The following CASKIN1 variants were observed in gnomAD, a reference collection of about 807,000 sequenced individuals.
CASKIN1 encodes caskin-1.
Under a neutral mutation model 117.5 loss-of-function variants are expected in CASKIN1, and 42 were observed. That is an observed-to-expected ratio of 0.36 (90% CI 0.28 to 0.46). CASKIN1 has a LOEUF of 0.46. Ranked by LOEUF, CASKIN1 falls within the 20% of genes least tolerant of loss-of-function variation. CASKIN1 has a pLI of 1.00. For missense variants in CASKIN1, 2,083 were observed against 2,077.3 expected, an observed-to-expected ratio of 1.00 and a Z score of -0.05; for synonymous variants, 1,148 against 961.7, an observed-to-expected ratio of 1.19 and a Z score of -3.59.
chr16:2,184,879 G>C lies in CASKIN1; in HGVS notation c.1325-11C>G. On this transcript the variant is annotated splice_polypyrimidine_tract_variant and intron_variant, in intron 13 of 19. Transcript: ENST00000343516. Reference sequence around the variant, plus strand: ...GGGACCGGGCCACACCTGAGGACGAGAGTGGGTGGGGGACAAGGGCTGTCG... The same window carrying C: ...GGGACCGGGCCACACCTGAGGACGACAGTGGGTGGGGGACAAGGGCTGTCG... The C allele has an allele frequency of 6.3e-7, 1 of 1,575,702 alleles. No homozygotes were observed. The highest frequency in any genetic ancestry group is 8.6e-7 in the Non-Finnish European group (1 of 1,157,328).
intron 1 of CASKIN1, among the ~76,000 whole-genome samples, chr16:2,192,930 G>A (rs575690428): frequency 4.5e-4 from 68 of 152,366 alleles, no homozygotes; most frequent in Non-Finnish European, 6.8e-4. Context: ...CCTGGCCGCC[G>A]AGGCGACTTA....
chr16:2,182,060 G>T lies in CASKIN1; in HGVS notation c.1630-131C>A. On this transcript the variant is annotated intron_variant, in intron 16 of 19. Coordinates refer to ENST00000343516, the MANE Select transcript of CASKIN1 (RefSeq NM_020764.4). The surrounding 1 kb of genome is among the most constrained non-coding windows in gnomAD (Gnocchi z 4.1). ...AGACAGGAGGACAAACGGATAGGCC[G>T]AGGTATTGGCACCAGAAATGTAGGC... The T allele has an allele frequency of 1.6e-6, 2 of 1,287,852 alleles. No homozygotes were observed. The highest frequency in any genetic ancestry group is 2.2e-6 in the Non-Finnish European group (2 of 926,166). 79.8% of individuals were successfully genotyped at this position (1,287,852 alleles called of 1,614,324 possible).
At position 2,190,092 on chromosome 16, in the gene CASKIN1, C is replaced by A; in HGVS notation, c.225G>T (p.Val75=). The A allele has an allele frequency of 6.2e-7, 1 of 1,612,844 alleles. No individual in the cohort carries two copies. Among genetic ancestry groups the A allele is most frequent in the Non-Finnish European group, 8.5e-7 (1 of 1,179,918 alleles). ...TCTTGCCTTTGTTGTCCTTGATGTC[C>A]ACAGCGGCCTGGGCCTCCAGCAGCA... ...ISLLLEAQAA[V]DIKDNKGMRP... The change falls in exon 3 of 20, where the codon GTG becomes GTT. Residue 75 remains valine (V), a synonymous_variant. Transcript: ENST00000343516.
In CASKIN1 at chr16:2,177,978, G is replaced by C. The variant is rs918653161; in HGVS notation, c.*572C>G. The C allele has an allele frequency of 2.6e-6, 1 of 384,142 alleles. No individual in the cohort carries two copies. Among genetic ancestry groups the C allele is most frequent in the African/African-American group, 2.1e-5 (1 of 46,760 alleles). The allele number at this position is 384,142 out of a possible 1,614,324, so 23.8% of individuals were successfully genotyped here. ...CTCTAACAGCTTTTGTCCGGAGCTA[G>C]ACTTCGTGTCCTTTCAGTTGGTAAA... On this transcript the variant is annotated 3_prime_UTR_variant, in exon 20 of 20. Coordinates refer to ENST00000343516, the MANE Select transcript of CASKIN1 (RefSeq NM_020764.4).
Position 2,178,659 on chromosome 16 carries a change from G to A in CASKIN1, c.4200-13C>T. 6.3e-7 allele frequency: 1 copy of A among 1,582,618 alleles called. No homozygotes were observed. Among genetic ancestry groups the A allele is most frequent in the South Asian group, 1.1e-5 (1 of 88,892 alleles). ...CGCCGCCGAGTCGCTGCGGGGCGCG[G>A]GGCAAGGGGCGTGAGTGGGCGGGGC... On this transcript the variant is annotated splice_polypyrimidine_tract_variant and intron_variant, in intron 19 of 19. Coordinates refer to ENST00000343516, the MANE Select transcript of CASKIN1 (RefSeq NM_020764.4).
In CASKIN1 at chr16:2,182,497, C is replaced by G. The variant is rs1322401744; in HGVS notation, c.1630-568G>C. Among the ~76,000 whole-genome samples the G allele has an allele frequency of 1.3e-5, 2 of 152,088 alleles. No individual in the cohort carries two copies. Among genetic ancestry groups the G allele is most frequent in the Non-Finnish European group, 2.9e-5 (2 of 68,028 alleles). ...AGCGGCATTCAGGCGTCCACACTTCCAGCTGGAATTCACTCATGCAACTGC... is the reference window on the plus strand; with the variant it reads ...AGCGGCATTCAGGCGTCCACACTTCGAGCTGGAATTCACTCATGCAACTGC... On this transcript the variant is annotated intron_variant, in intron 16 of 19. Coordinates refer to ENST00000343516, the MANE Select transcript of CASKIN1 (RefSeq NM_020764.4). This position sits in a 1 kb window ranked among gnomAD's most constrained non-coding sequence, Gnocchi z 4.1.
chr16:2,181,004 G>T lies in CASKIN1; in HGVS notation c.2364C>A (p.Pro788=). The T allele has an allele frequency of 6.7e-7, 1 of 1,486,168 alleles. No individual in the cohort carries two copies. Among genetic ancestry groups the T allele is most frequent in the East Asian group, 2.5e-5 (1 of 40,628 alleles). The allele number at this position is 1,486,168 out of a possible 1,614,324, so 92.1% of individuals were successfully genotyped here. ...GACCATGAGGTCCCCCAAGGGCCTG[G>T]GGAGAGCCTGGTCGGGTTTTGGTGG... ...QTPTKTRPGS[P]QALGGPHGPA... The change falls in exon 18 of 20, where the codon CCC becomes CCA. Residue 788 remains proline, a synonymous_variant. Transcript: ENST00000343516.
chr16:2,194,368 G>A (rs926535590), intron 1 of CASKIN1, among the ~76,000 whole-genome samples: 6 of 152,170 alleles, frequency 3.9e-5, no homozygotes, highest in African/African-American at 1.4e-4. Flanking sequence ...AAGTGTGTGC[G>A]TGCGGGCACG....
rs1231933641 is a variant in CASKIN1, at chr16:2,187,201, G to C, written c.800C>G (p.Ser267Cys). The change falls in exon 8 of 20, where the codon TCC (serine) becomes TGC (cysteine). Residue 267 changes from serine (S) to cysteine (C), a missense_variant. This residue lies in a region of CASKIN1 where 203 missense variants were observed against 338.7 expected (regional missense o/e 0.60). Coordinates refer to ENST00000343516, the MANE Select transcript of CASKIN1 (RefSeq NM_020764.4). Reference sequence around the variant, plus strand: ...CTGCTTGATCTCCCTGCTGGCCTGGGACGTGGTGAACTGGTGCACGATGTC... The same window carrying C: ...CTGCTTGATCTCCCTGCTGGCCTGGCACGTGGTGAACTGGTGCACGATGTC... ...ALDIVHQFTT[S>C]QASREIKQLL... The C allele has an allele frequency of 6.2e-7, 1 of 1,613,912 alleles. No homozygotes were observed. Among genetic ancestry groups the C allele is most frequent in the African/African-American group, 1.3e-5 (1 of 74,914 alleles).
At chr16:2,190,024 C>A in intron 3 of CASKIN1, 49 bp downstream of exon 3, 1 of 1,518,440 alleles carries the variant, frequency 6.6e-7, no homozygotes, top group South Asian at 1.1e-5. Context: ...GGGAGCCCCC[C>A]TCGCTGCCCC....
At chr16:2,189,873 G>A (rs1433844708) in intron 3 of CASKIN1, among the ~76,000 whole-genome samples, 200 bp downstream of exon 3, 1 of 151,992 alleles carries the variant, frequency 6.6e-6, no homozygotes, top group Non-Finnish European at 1.5e-5. Flanking sequence ...GCCCAACCCT[G>A]TGGGTTTGGG....
Position 2,177,594 on chromosome 16 carries a change from C to G in CASKIN1, c.*956G>C, listed in dbSNP as rs558063421. On this transcript the variant is annotated 3_prime_UTR_variant, in exon 20 of 20. Transcript: ENST00000343516. Reference sequence around the variant, plus strand: ...ATGAGCAGAAGCGTCCGTGGGAACTCCACTGGGGTGGATGGGCTGCCTGCA... The same window carrying G: ...ATGAGCAGAAGCGTCCGTGGGAACTGCACTGGGGTGGATGGGCTGCCTGCA... 1 of 237,562 alleles carries G rather than the reference C, an allele frequency of 4.2e-6. No homozygotes were observed. Among genetic ancestry groups the G allele is most frequent in the South Asian group, 1.6e-4 (1 of 6,246 alleles). The allele number at this position is 237,562 out of a possible 1,614,324, so 14.7% of individuals were successfully genotyped here. A position where few individuals can be genotyped will look rare whatever the true frequency, so the allele number is the denominator to read the frequency against.
Position 2,189,487 on chromosome 16 carries a change from C to T in CASKIN1, c.322G>A (p.Val108Met), listed in dbSNP as rs1242018164. The T allele has an allele frequency of 1.9e-6, 3 of 1,612,144 alleles. No homozygotes were observed. Among genetic ancestry groups the T allele is most frequent in the Admixed American group, 1.7e-5 (1 of 59,996 alleles). Residue 108 changes from valine to methionine, a missense_variant, in exon 4 of 20, where the codon GTG becomes ATG. By Grantham distance (21) the Val-to-Met change is conservative (BLOSUM62 1). Transcript: ENST00000343516. ...TGGCCCTCATCAGACGGGATGTTCA[C>T]GGCCGAGCCCGCCTTCAGCACCAGC... ...MKLVLKAGSA[V>M]NIPSDEGHIP...
In CASKIN1 at chr16:2,181,946, C is replaced by CA; in HGVS notation, c.1630-18dup. On this transcript the variant is annotated splice_polypyrimidine_tract_variant and intron_variant, in intron 16 of 19. Transcript: ENST00000343516. The stretch of plus-strand genomic sequence containing the variant: ...CAGGTTAGCCTACAGAGCAGACACA[C>CA]AGAGGAGCCACCTGGGCTGGCTGCC... The CA allele has an allele frequency of 1.2e-6, 2 of 1,611,810 alleles. No individual in the cohort carries two copies. The highest frequency in any genetic ancestry group is 1.7e-6 in the Non-Finnish European group (2 of 1,178,652).
At position 2,179,022 on chromosome 16, in the gene CASKIN1, G is replaced by A. The variant is rs756902756; in HGVS notation, c.4079C>T (p.Pro1360Leu). 4.3e-6 allele frequency: 5 copies of A among 1,169,888 alleles called. No individual in the cohort carries two copies. The South Asian group carries it at 1.6e-4, about 38-fold the overall frequency. The allele number at this position is 1,169,888 out of a possible 1,614,324, so 72.5% of individuals were successfully genotyped here. The change falls in exon 19 of 20, where the codon CCC becomes CTC. Residue 1360 changes from proline to leucine, a missense_variant. Transcript: ENST00000343516. This position sits in a 1 kb window ranked among gnomAD's most constrained non-coding sequence, Gnocchi z 5.8. ...GCTGTCCCCTGGCGAGGCGCCTTCG[G>A]GCGGGGCGGGGGGCGCGGCGGCGGC... ...AAAAAAPPAP[P>L]EGASPGDSAR...
In CASKIN1 at chr16:2,180,440, C is replaced by T; in HGVS notation, c.2928G>A (p.Leu976=). 1 of 1,564,584 alleles carries T rather than the reference C, an allele frequency of 6.4e-7. No individual in the cohort carries two copies. The highest frequency in any genetic ancestry group is 8.6e-7 in the Non-Finnish European group (1 of 1,162,438). Residue 976 remains leucine (L), a synonymous_variant, in exon 18 of 20, where the codon CTG becomes CTA. Coordinates refer to ENST00000343516, the MANE Select transcript of CASKIN1 (RefSeq NM_020764.4). The part of the protein sequence containing the change: ...PVPDAEPEDG[L]LGVRAQCRRA... ...GCCGGCACTGTGCCCGGACCCCCAG[C>T]AGGCCATCCTCAGGCTCGGCGTCAG...
Position 2,186,757 on chromosome 16 carries a change from C to T in CASKIN1, c.998G>A (p.Arg333Gln), listed in dbSNP as rs1204226760. ...CAGGGAGGACGGGAAGTAGCCCACC[C>T]GGTCATTGCCCGTCCGGTTGTCATG... The part of the protein sequence containing the change: ...CIHDNRTGND[R>Q]VGYFPSSLGE... Residue 333 changes from arginine to glutamine, a missense_variant, in exon 10 of 20, where the codon CGG (arginine) becomes CAG (glutamine). Transcript: ENST00000343516. 1 of 1,612,882 alleles carries T rather than the reference C, an allele frequency of 6.2e-7. No homozygotes were observed. The highest frequency in any genetic ancestry group is 1.3e-5 in the African/African-American group (1 of 74,938).
chr16:2,181,765 G>T (rs757749489), intron 17 of CASKIN1, 26 bp downstream of exon 17: 1 of 1,607,928 alleles, frequency 6.2e-7, no homozygotes, highest in Non-Finnish European at 8.5e-7. Flanking sequence ...TTGGGCTGGG[G>T]ACGAGGGCTG....
At chr16:2,191,120 T>C (rs2093200467) in intron 1 of CASKIN1, among the ~76,000 whole-genome samples, 1 of 152,158 alleles carries the variant, frequency 6.6e-6, no homozygotes, top group Non-Finnish European at 1.5e-5. Context: ...CCAAGCAGAC[T>C]TGGGCCAAAC....
Sources: gnomAD v4.1 joint callset for allele counts (sites outside exome capture counted in the v4.1 genomes callset) on GRCh38, gnomAD v4.1.1 for gene constraint, gnomAD v4.1.1 regional missense constraint, Gnocchi (gnomAD v3.1) non-coding constraint, MANE v1.5 for transcripts, NCBI Gene and HGNC (gene_info 2026-07-23, HGNC 2026-07-21) for gene names.